CDC42SE2: variants seen among roughly 807,000 people sequenced by gnomAD.
CDC42SE2 encodes CDC42 small effector 2.
CDC42SE2 carries 3 observed loss-of-function variants against 11.5 expected under a neutral mutation model. That is an observed-to-expected ratio of 0.26 (90% CI 0.12 to 0.67). CDC42SE2 has a LOEUF of 0.67. Ranked by LOEUF, CDC42SE2 falls within the 30% of genes least tolerant of loss-of-function variation. CDC42SE2 has a pLI of 0.80. For synonymous variants in CDC42SE2, 33 were observed against 34.8 expected (o/e 0.95, Z 0.18); for missense variants, 82 against 106.8 (o/e 0.77, Z 1.02).
chr5:131,384,197 G>GT (rs1220712656), intron 3 of CDC42SE2, among the ~76,000 whole-genome samples: 2 of 152,180 alleles, frequency 1.3e-5, no homozygotes, highest in Non-Finnish European at 2.9e-5. Flanking sequence ...AAGCGTCAGG[G>GT]TTTTTTGTGG....
chr5:131,223,858 G>T, the CDC42SE2 span, among the ~76,000 whole-genome samples: 1 of 151,970 alleles, frequency 6.6e-6, no homozygotes, highest in Admixed American at 6.6e-5. Context: ...TAAGGCTTTT[G>T]CCCACATGAC....
chr5:131,247,933 GC>G (rs1756609643), intron 1 of CDC42SE2, among the ~76,000 whole-genome samples: 1 of 151,808 alleles, frequency 6.6e-6, no homozygotes. Context: ...GAGCCACCAT[GC>G]CCAGCCATAA....
chr5:131,368,333 G>C (rs1179282710), intron 3 of CDC42SE2, among the ~76,000 whole-genome samples: 1 of 151,368 alleles, frequency 6.6e-6, no homozygotes. Flanking sequence ...CTACATGCAT[G>C]AGTCAGACTC....
intron 1 of CDC42SE2, among the ~76,000 whole-genome samples, chr5:131,284,464 G>A (rs867850733): frequency 6.6e-6 from 1 of 152,254 alleles, no homozygotes; most frequent in South Asian, 2.1e-4. Context: ...GGTTTTGGGG[G>A]ATGGTTATTA....
intron 2 of CDC42SE2, among the ~76,000 whole-genome samples, chr5:131,330,527 T>C (rs1406783632): frequency 6.6e-6 from 1 of 152,210 alleles, no homozygotes. Flanking sequence ...AGTTCACTTT[T>C]ATAATAATAT....
intron 2 of CDC42SE2, among the ~76,000 whole-genome samples, chr5:131,338,729 A>C (rs1209765221): frequency 6.6e-6 from 1 of 152,240 alleles, no homozygotes; most frequent in African/African-American, 2.4e-5. Flanking sequence ...GGAGGGATCC[A>C]GAATTCAAAC....
chr5:131,380,282 C>T (rs1460316633), intron 3 of CDC42SE2, among the ~76,000 whole-genome samples: 2 of 152,080 alleles, frequency 1.3e-5, no homozygotes, highest in African/African-American at 4.8e-5. Context: ...CTTCCAGAGC[C>T]CCAAGTCCAT....
intron 1 of CDC42SE2, among the ~76,000 whole-genome samples, chr5:131,289,006 G>C (rs1757396875): frequency 6.6e-6 from 1 of 151,952 alleles, no homozygotes; most frequent in Non-Finnish European, 1.5e-5. Flanking sequence ...TAAATGTTTT[G>C]GCTCCTGTAT....
intron 4 of CDC42SE2, among the ~76,000 whole-genome samples, chr5:131,388,223 G>A (rs940723225): frequency 6.6e-5 from 10 of 152,182 alleles, no homozygotes; most frequent in Admixed American, 2.0e-4. Context: ...TCAAACTCCG[G>A]ACCTCCGGTG....
chr5:131,306,650 G>C (rs1757783967), intron 1 of CDC42SE2, among the ~76,000 whole-genome samples: 1 of 152,126 alleles, frequency 6.6e-6, no homozygotes, highest in Non-Finnish European at 1.5e-5. Context: ...TTTTGATAGA[G>C]ATTGCATTGA....
At chr5:131,302,613 A>G (rs192410548) in intron 1 of CDC42SE2, among the ~76,000 whole-genome samples, 3 of 152,196 alleles carry the variant, frequency 2.0e-5, no homozygotes, top group African/African-American at 4.8e-5. Context: ...ACCGTGTCCA[A>G]CCAGCACCTC....
At chr5:131,335,506 A>G (rs1200083027) in intron 2 of CDC42SE2, among the ~76,000 whole-genome samples, 1 of 152,146 alleles carries the variant, frequency 6.6e-6, no homozygotes, top group Non-Finnish European at 1.5e-5. Flanking sequence ...AGCTGAGTTC[A>G]ATTCCTGGAT....
At chr5:131,302,605 C>T (rs991433173) in intron 1 of CDC42SE2, among the ~76,000 whole-genome samples, 2 of 152,150 alleles carry the variant, frequency 1.3e-5, no homozygotes, top group African/African-American at 4.8e-5. Flanking sequence ...CCTGAGCCAC[C>T]GTGTCCAACC....
At chr5:131,370,649 C>T (rs949379431) in intron 3 of CDC42SE2, among the ~76,000 whole-genome samples, 1 of 152,082 alleles carries the variant, frequency 6.6e-6, no homozygotes, top group Non-Finnish European at 1.5e-5. Context: ...GTTTGAAAGT[C>T]ATCTGACTAT....
chr5:131,366,064 A>G (rs186797395), intron 3 of CDC42SE2, among the ~76,000 whole-genome samples: 124 of 152,340 alleles, frequency 8.1e-4, no homozygotes, highest in African/African-American at 2.9e-3. Context: ...GACTGATTCA[A>G]ATGTTTTAAC....
chr5:131,258,495 G>C (rs181064732), intron 2 of CDC42SE2, among the ~76,000 whole-genome samples: 3 of 152,188 alleles, frequency 2.0e-5, no homozygotes, highest in Admixed American at 1.3e-4. Context: ...GTTGTCCCCA[G>C]AGGCATTTTG....
At chr5:131,321,857 G>GT (rs1758197773) in intron 2 of CDC42SE2, among the ~76,000 whole-genome samples, 2 of 151,788 alleles carry the variant, frequency 1.3e-5, no homozygotes, top group East Asian at 1.9e-4. Flanking sequence ...TTTTTGTTTT[G>GT]TTTTTTGTTT....
At chr5:131,335,774 G>T (rs1330564590) in intron 2 of CDC42SE2, among the ~76,000 whole-genome samples, 1 of 152,168 alleles carries the variant, frequency 6.6e-6, no homozygotes, top group African/African-American at 2.4e-5. Context: ...TGTTTTATCA[G>T]AGACTAAGAT....
chr5:131,310,378 A>C (rs954240586), intron 1 of CDC42SE2, among the ~76,000 whole-genome samples: 1 of 151,560 alleles, frequency 6.6e-6, no homozygotes, highest in Non-Finnish European at 1.5e-5. Context: ...TATGTGGTCC[A>C]TTTTGGAATA....
Sources: allele counts gnomAD v4.1 joint callset (sites outside exome capture counted in the v4.1 genomes callset), GRCh38; gene constraint gnomAD v4.1.1; transcripts MANE v1.5; gene names NCBI Gene and HGNC (gene_info 2026-07-23, HGNC 2026-07-21).